EPS8L1: variants seen among roughly 807,000 people sequenced by gnomAD.
EPS8L1 encodes epidermal growth factor receptor kinase substrate 8-like protein 1.
In EPS8L1, 101 loss-of-function variants were observed where a neutral mutation model predicts 91.7. That is an observed-to-expected ratio of 1.10 (90% CI 0.94 to 1.30). The LOEUF (loss-of-function observed/expected upper bound fraction) is 1.30. EPS8L1 is among the 50% of genes most tolerant of loss of function. The pLI, the probability that EPS8L1 is intolerant of heterozygous loss-of-function variation, is 0.00. For synonymous variants in EPS8L1, 506 were observed against 445.3 expected (o/e 1.14, Z -1.72); for missense variants, 1,114 against 1,017.0 (o/e 1.10, Z -1.30).
At chr19:55,086,643 G>A (rs537053829) in intron 17 of EPS8L1, 71 bp from the exon 18 acceptor site, 6 of 819,706 alleles carry the variant, frequency 7.3e-6, no homozygotes, top group South Asian at 5.3e-5. Flanking sequence ...GCGCCCCCCC[G>A]CCCCGCCCTC....
At position 55,083,901 on chromosome 19, in the gene EPS8L1, G is replaced by C. The variant is rs917957591; in HGVS notation, c.1385+257G>C. The C allele has an allele frequency of 1.8e-5, 11 of 628,464 alleles. No individual in the cohort carries two copies. Among genetic ancestry groups the C allele is most frequent in the Admixed American group, 1.1e-4 (4 of 37,544 alleles). The allele number at this position is 628,464 out of a possible 1,614,324, so 38.9% of individuals were successfully genotyped here. On this transcript the variant is annotated intron_variant, in intron 14 of 19. Transcript: ENST00000201647. This position sits in a 1 kb window ranked among gnomAD's most constrained non-coding sequence, Gnocchi z 4.7. ...GGATTCCTGGGCCTAAGGGAGGAAG[G>C]GGGCTGGGAGTGGGTAAAGTCTGAG...
Position 55,082,576 on chromosome 19 carries a change from G to T in EPS8L1, c.1188G>T (p.Ser396=), listed in dbSNP as rs1427919374. The T allele has an allele frequency of 1.9e-6, 3 of 1,575,962 alleles. No individual in the cohort carries two copies. In the Admixed American group the frequency reaches 5.5e-5, roughly 29 times the overall value. Residue 396 remains serine, a synonymous_variant, in exon 12 of 20, where the codon TCG becomes TCT. Coordinates refer to ENST00000201647, the MANE Select transcript of EPS8L1 (RefSeq NM_133180.3). ...VTPRENELWT[S]LGDSWTRPGL... ...CACGTGAAAACGAGCTCTGGACCTCGCTGGGGGACTCGTGGACCCGCCCCG... is the reference window on the plus strand; with the variant it reads ...CACGTGAAAACGAGCTCTGGACCTCTCTGGGGGACTCGTGGACCCGCCCCG...
intron 4 of EPS8L1, 29 bp downstream of exon 4, chr19:55,079,086 A>T: frequency 6.2e-7 from 1 of 1,612,926 alleles, no homozygotes; most frequent in Non-Finnish European, 8.5e-7. Context: ...TTCCCCCAGG[A>T]CATCTTCTGG....
chr19:55,077,346 T>C lies in EPS8L1; in HGVS notation c.18-742T>C, dbSNP rs566512382. Among the ~76,000 whole-genome samples, 5 of 152,280 alleles carry C rather than the reference T, an allele frequency of 3.3e-5. No individual in the cohort carries two copies. The East Asian group carries it at 9.6e-4, about 29-fold the overall frequency. On this transcript the variant is annotated intron_variant, in intron 2 of 19. Coordinates refer to ENST00000201647, the MANE Select transcript of EPS8L1 (RefSeq NM_133180.3). ...AGCCCTGGCAGCATCTTAAGAATGA[T>C]AATAACAGTTATTGAGGCTTCAAAA...
At chr19:55,077,561 C>G (rs2076154166) in intron 2 of EPS8L1, among the ~76,000 whole-genome samples, 1 of 150,516 alleles carries the variant, frequency 6.6e-6, no homozygotes, top group South Asian at 2.1e-4. Flanking sequence ...TACCACCCAG[C>G]ACCACCGCCT....
Position 55,083,512 on chromosome 19 carries a change from G to C in EPS8L1, c.1349G>C (p.Arg450Pro). The C allele has an allele frequency of 6.2e-7, 1 of 1,609,790 alleles. No homozygotes were observed. Among genetic ancestry groups the C allele is most frequent in the Non-Finnish European group, 8.5e-7 (1 of 1,178,428 alleles). ...VEKQLQHERRRRQQSAPQVAV... is the reference protein window; with the variant it reads ...VEKQLQHERRPRQQSAPQVAV... ...AAACAGCTACAGCACGAGCGGAGGC[G>C]CCGGCAGGTGACCCAAGCGACACAG... is the stretch of plus-strand genomic sequence containing the variant. The change falls in exon 13 of 20, where the codon CGC becomes CCC. Residue 450 changes from arginine to proline, a missense_variant. Transcript: ENST00000201647. The surrounding 1 kb of genome is among the most constrained non-coding windows in gnomAD (Gnocchi z 4.7).
At chr19:55,076,155 C>T (rs1367653751) in intron 1 of EPS8L1, among the ~76,000 whole-genome samples, 3 of 36,208 alleles carry the variant, frequency 8.3e-5, no homozygotes, top group African/African-American at 1.5e-4. Context: ...ACTCCTGGGT[C>T]TGAGGGAGGA....
chr19:55,085,765 C>T (rs924422400), intron 14 of EPS8L1, 76 bp from the exon 15 acceptor site: 1 of 1,535,042 alleles, frequency 6.5e-7, no homozygotes. Flanking sequence ...CTAACCCCAG[C>T]TCACACCAGC....
At position 55,086,427 on chromosome 19, in the gene EPS8L1, G is replaced by A. The variant is rs1445082063; in HGVS notation, c.1686G>A (p.Pro562=). ...CTCCTCCACCACCAGCCCCAGCCCC[G>A]GCCCCACCTCCAGCTCTGGCTCGGC... is the stretch of plus-strand genomic sequence containing the variant. ...STPPPPPAPA[P]APPPALARPR... is the part of the protein sequence containing the mutation. The change falls in exon 17 of 20, where the codon CCG becomes CCA. Residue 562 remains proline (P), a synonymous_variant. Coordinates refer to ENST00000201647, the MANE Select transcript of EPS8L1 (RefSeq NM_133180.3). The A allele has an allele frequency of 6.4e-7, 1 of 1,558,064 alleles. No individual in the cohort carries two copies. The highest frequency in any genetic ancestry group is 1.4e-5 in the African/African-American group (1 of 73,486).
In EPS8L1 at chr19:55,083,661, GGGCA is replaced by G; in HGVS notation, c.1385+20_1385+23del. The G allele has an allele frequency of 6.3e-7, 1 of 1,589,264 alleles. No individual in the cohort carries two copies. The highest frequency in any genetic ancestry group is 8.6e-7 in the Non-Finnish European group (1 of 1,168,136). ...TGTCAATGGGTGAGTGTCCGCCCCA[GGGCA>G]GGGCAAGGGGGTCAAGGAGGGGTGC... On this transcript the variant is annotated intron_variant, in intron 14 of 19. Transcript: ENST00000201647. This position sits in a 1 kb window ranked among gnomAD's most constrained non-coding sequence, Gnocchi z 4.7.
Position 55,081,762 on chromosome 19 carries a change from C to T in EPS8L1, c.775-11C>T. On this transcript the variant is annotated splice_polypyrimidine_tract_variant and intron_variant, in intron 8 of 19. Coordinates refer to ENST00000201647, the MANE Select transcript of EPS8L1 (RefSeq NM_133180.3). The surrounding 1 kb of genome is among the most constrained non-coding windows in gnomAD (Gnocchi z 4.9). ...CGGGAGCCCTGAGCGTCCCCCTCCT[C>T]TGTCCCCTAGGACATCCTGAACCAC... 2 of 1,600,182 alleles carry T rather than the reference C, an allele frequency of 1.2e-6. No homozygotes were observed. Among genetic ancestry groups the T allele is most frequent in the African/African-American group, 2.7e-5 (2 of 74,476 alleles).
chr19:55,082,980 G>A (rs545799853), intron 12 of EPS8L1, among the ~76,000 whole-genome samples: 29 of 152,266 alleles, frequency 1.9e-4, no homozygotes, highest in African/African-American at 7.0e-4. Context: ...AGTTCCGCAG[G>A]GAAAGGGTCA....
rs2076315988 is a variant in EPS8L1, at chr19:55,083,533, C to A, written c.1356+14C>A. The A allele has an allele frequency of 6.2e-7, 1 of 1,607,054 alleles. No individual in the cohort carries two copies. The highest frequency in any genetic ancestry group is 2.2e-5 in the East Asian group (1 of 44,694). On this transcript the variant is annotated intron_variant, in intron 13 of 19. Coordinates refer to ENST00000201647, the MANE Select transcript of EPS8L1 (RefSeq NM_133180.3). This position sits in a 1 kb window ranked among gnomAD's most constrained non-coding sequence, Gnocchi z 4.7. ...AGGCGCCGGCAGGTGACCCAAGCGA[C>A]ACAGCAGGGCCGAGGCTGGGAAGTC... is the stretch of plus-strand genomic sequence containing the variant.
chr19:55,084,573 C>T (rs941610558), intron 14 of EPS8L1: 2 of 152,134 alleles, frequency 1.3e-5, no homozygotes, highest in East Asian at 1.9e-4. Flanking sequence ...GCAGGGACAG[C>T]GTGCTGGGAG....
chr19:55,087,841 C>T lies in EPS8L1; in HGVS notation c.*227C>T. On this transcript the variant is annotated 3_prime_UTR_variant, in exon 20 of 20. Transcript: ENST00000201647. ...GCGTGGAGACAGTCTACGGAAAGCG[C>T]TAGCAGACCCCCGAGAGGGTGCAGT... is the stretch of plus-strand genomic sequence containing the variant. The T allele has an allele frequency of 3.7e-6, 2 of 536,322 alleles. No homozygotes were observed. Among genetic ancestry groups the T allele is most frequent in the Non-Finnish European group, 6.8e-6 (2 of 295,956 alleles). 33.2% of individuals were successfully genotyped at this position (536,322 alleles called of 1,614,324 possible). A position where few individuals can be genotyped will look rare whatever the true frequency, so the allele number is the denominator to read the frequency against.
intron 18 of EPS8L1, 23 bp downstream of exon 18, chr19:55,086,911 C>T (rs761969607): frequency 2.8e-6 from 4 of 1,411,954 alleles, no homozygotes; most frequent in Non-Finnish European, 3.7e-6. Flanking sequence ...GGGGCCCTCT[C>T]GGCGCGGGTT....
chr19:55,080,797 A>C lies in EPS8L1; in HGVS notation c.455A>C (p.Gln152Pro). The C allele has an allele frequency of 6.2e-7, 1 of 1,611,566 alleles. No homozygotes were observed. The highest frequency in any genetic ancestry group is 8.5e-7 in the Non-Finnish European group (1 of 1,178,974). Residue 152 changes from glutamine to proline, a missense_variant, in exon 7 of 20, where the codon CAG (glutamine) becomes CCG (proline). Coordinates refer to ENST00000201647, the MANE Select transcript of EPS8L1 (RefSeq NM_133180.3). ...GCGGAGCTGATCCGAGAGGACATCC[A>C]GGGGGCTCTGCACAATTACCGCTCG... ...LGAELIREDI[Q>P]GALHNYRSGR...
Position 55,081,091 on chromosome 19 carries a change from T to C in EPS8L1, c.513-140T>C. On this transcript the variant is annotated intron_variant, in intron 7 of 19. Coordinates refer to ENST00000201647, the MANE Select transcript of EPS8L1 (RefSeq NM_133180.3). The surrounding 1 kb of genome is among the most constrained non-coding windows in gnomAD (Gnocchi z 4.9). Reference sequence around the variant, plus strand: ...TAGAGAGGTGCTATCCCTCCGTATATCGGATTTCTCCCTACCTCGTTGAAC... The same window carrying C: ...TAGAGAGGTGCTATCCCTCCGTATACCGGATTTCTCCCTACCTCGTTGAAC... The C allele has an allele frequency of 8.9e-7, 1 of 1,117,864 alleles. No homozygotes were observed. The highest frequency in any genetic ancestry group is 1.2e-6 in the Non-Finnish European group (1 of 812,124). 69.2% of individuals were successfully genotyped at this position (1,117,864 alleles called of 1,614,324 possible).
In EPS8L1 at chr19:55,080,254, C is replaced by T. The variant is rs1324356188; in HGVS notation, c.405C>T (p.His135=). ...QEPERAQPDV[H]FFQGLRLGAE... is the part of the protein sequence containing the mutation. ...CCGAGCGCGCGCAGCCCGACGTGCA[C>T]TTCTTCCAGGGCCTGCGCCTCGGGG... The change falls in exon 6 of 20, where the codon CAC becomes CAT. Residue 135 remains histidine, a synonymous_variant. Transcript: ENST00000201647. 8 of 1,534,952 alleles carry T rather than the reference C, an allele frequency of 5.2e-6. No homozygotes were observed. Among genetic ancestry groups the T allele is most frequent in the Non-Finnish European group, 6.2e-6 (7 of 1,135,834 alleles).
Sources: gnomAD v4.1 joint callset for allele counts (sites outside exome capture counted in the v4.1 genomes callset) on GRCh38, gnomAD v4.1.1 for gene constraint, Gnocchi (gnomAD v3.1) non-coding constraint, MANE v1.5 for transcripts, NCBI Gene and HGNC (gene_info 2026-07-23, HGNC 2026-07-21) for gene names.